The following MYOCD variants were observed in gnomAD, a reference collection of about 807,000 sequenced individuals.
MYOCD encodes the protein myocardin.
In MYOCD, 32 loss-of-function variants were observed where a neutral mutation model predicts 96.1. The ratio of observed to expected loss-of-function variants is 0.33; its 90% CI spans 0.25 to 0.45. MYOCD has a LOEUF of 0.45. MYOCD is among the 20% of genes least tolerant of loss of function. MYOCD has a pLI of 1.00. For missense variants in MYOCD, 1,133 were observed against 1,200.6 expected (o/e 0.94, Z 0.83); for synonymous variants, 469 against 469.0 (o/e 1.00, Z 0.00).
intron 7 of MYOCD, among the ~76,000 whole-genome samples, chr17:12,742,255 A>G (rs2032533586): frequency 6.6e-6 from 1 of 152,128 alleles, no homozygotes; most frequent in Non-Finnish European, 1.5e-5. Flanking sequence ...AACACACCCA[A>G]CTACTTGTGT....
chr17:12,694,954 G>T (rs905720294), intron 1 of MYOCD, among the ~76,000 whole-genome samples: 1 of 150,664 alleles, frequency 6.6e-6, no homozygotes, highest in Non-Finnish European at 1.5e-5. Context: ...CATTTGATGG[G>T]TATTAAATGG....
intron 1 of MYOCD, among the ~76,000 whole-genome samples, chr17:12,692,250 T>C (rs1017650346): frequency 3.9e-5 from 6 of 152,246 alleles, no homozygotes; most frequent in African/African-American, 1.4e-4. Flanking sequence ...AAAAGGTATA[T>C]GCTTGCATTC....
intron 2 of MYOCD, 145 bp downstream of exon 2, chr17:12,705,338 C>A: frequency 1.7e-6 from 1 of 584,674 alleles, no homozygotes; most frequent in Non-Finnish European, 3.1e-6. Context: ...AAATCCCAGA[C>A]CTTGGATGCT....
chr17:12,737,990 A>G (rs1221282023), intron 6 of MYOCD, among the ~76,000 whole-genome samples: 1 of 152,186 alleles, frequency 6.6e-6, no homozygotes, highest in African/African-American at 2.4e-5. Flanking sequence ...TTTGCAGCCA[A>G]ATTTCTTTGA....
chr17:12,694,881 C>CAAA (rs201215491), intron 1 of MYOCD, among the ~76,000 whole-genome samples: 636 of 69,310 alleles, frequency 9.2e-3, no homozygotes, highest in African/African-American at 0.012. Flanking sequence ...AAGGAATAAC[C>CAAA]AAAAAAAAAA....
intron 2 of MYOCD, among the ~76,000 whole-genome samples, chr17:12,710,247 A>G (rs1293653711): frequency 2.0e-5 from 3 of 152,174 alleles, no homozygotes; most frequent in African/African-American, 7.2e-5. Context: ...TGTTTAACCC[A>G]GGGGAGAGAT....
At chr17:12,704,566 C>T (rs1178267317) in intron 1 of MYOCD, among the ~76,000 whole-genome samples, 3 of 152,158 alleles carry the variant, frequency 2.0e-5, no homozygotes, top group Admixed American at 2.0e-4. Context: ...CATAATACTA[C>T]CACTTATCAA....
intron 2 of MYOCD, chr17:12,710,604 C>A: frequency 3.5e-6 from 2 of 564,578 alleles, no homozygotes; most frequent in Non-Finnish European, 4.5e-6. Flanking sequence ...TTCCCGCACC[C>A]ATATCACATG....
intron 9 of MYOCD, 27 bp from the exon 10 acceptor site, chr17:12,752,387 A>G (rs1269453650): frequency 6.4e-7 from 1 of 1,564,300 alleles, no homozygotes; most frequent in African/African-American, 1.4e-5. Flanking sequence ...GTTAAACAGC[A>G]CACTAACCAC....
chr17:12,755,541 G>A (rs1300195976), intron 10 of MYOCD, among the ~76,000 whole-genome samples: 1 of 152,058 alleles, frequency 6.6e-6, no homozygotes. Context: ...AGGAGTTTGA[G>A]ACCAGCCTAG....
In MYOCD at chr17:12,665,940, G is replaced by A; in HGVS notation, c.-249G>A. 2 of 535,644 alleles carry A rather than the reference G, an allele frequency of 3.7e-6. No homozygotes were observed. The highest frequency in any genetic ancestry group is 3.3e-6 in the Non-Finnish European group (1 of 300,722). The allele number at this position is 535,644 out of a possible 1,614,324, so 33.2% of individuals were successfully genotyped here. A position where few individuals can be genotyped will look rare whatever the true frequency, so the allele number is the denominator to read the frequency against. ...ACAGGAACGCCTGGGATGCCGCGCTGCTCCTGGCCAACCTCCGAGGAGGAG... is the reference window on the plus strand; with the variant it reads ...ACAGGAACGCCTGGGATGCCGCGCTACTCCTGGCCAACCTCCGAGGAGGAG... On this transcript the variant is annotated 5_prime_UTR_variant, in exon 1 of 14. Transcript: ENST00000425538. This position sits in a 1 kb window ranked among gnomAD's most constrained non-coding sequence, Gnocchi z 4.2.
chr17:12,736,981 A>G (rs1449405007), intron 6 of MYOCD, among the ~76,000 whole-genome samples: 2 of 152,228 alleles, frequency 1.3e-5, no homozygotes, highest in African/African-American at 4.8e-5. Flanking sequence ...TGGGCTGGGC[A>G]CGGTGGCTCA....
intron 1 of MYOCD, among the ~76,000 whole-genome samples, chr17:12,700,843 C>G (rs185279062): frequency 6.6e-5 from 10 of 152,180 alleles, no homozygotes; most frequent in African/African-American, 2.2e-4. Context: ...CAACTTGTTC[C>G]TATCACATCT....
At chr17:12,681,572 T>C (rs984856127) in intron 1 of MYOCD, among the ~76,000 whole-genome samples, 1 of 152,230 alleles carries the variant, frequency 6.6e-6, no homozygotes, top group East Asian at 1.9e-4. Flanking sequence ...TGGCTTTCAG[T>C]ATTCTCTTGG....
At chr17:12,721,865 A>G (rs1189591105) in intron 4 of MYOCD, among the ~76,000 whole-genome samples, 2 of 152,186 alleles carry the variant, frequency 1.3e-5, no homozygotes, top group Non-Finnish European at 2.9e-5. Flanking sequence ...TGGTATGCCC[A>G]TTCTTTGGTT....
chr17:12,693,665 A>G (rs1019867059), intron 1 of MYOCD, among the ~76,000 whole-genome samples: 1 of 149,920 alleles, frequency 6.7e-6, no homozygotes, highest in Non-Finnish European at 1.5e-5. Context: ...AAATAAAATA[A>G]AATAAAATAA....
At chr17:12,684,187 T>G (rs1270771846) in intron 1 of MYOCD, among the ~76,000 whole-genome samples, 2 of 152,178 alleles carry the variant, frequency 1.3e-5, no homozygotes, top group Non-Finnish European at 2.9e-5. Flanking sequence ...AAATTTGCCC[T>G]CTTTTATTTA....
intron 1 of MYOCD, among the ~76,000 whole-genome samples, chr17:12,683,123 G>T (rs569454174): frequency 6.6e-6 from 1 of 152,214 alleles, no homozygotes; most frequent in South Asian, 2.1e-4. Context: ...ATATTGACTG[G>T]CTTTGTTTCC....
At chr17:12,704,657 T>C (rs1348098276) in intron 1 of MYOCD, among the ~76,000 whole-genome samples, 3 of 152,146 alleles carry the variant, frequency 2.0e-5, no homozygotes, top group Admixed American at 6.5e-5. Flanking sequence ...CACCACCAGG[T>C]AGGCATTGTT....
Sources: allele counts gnomAD v4.1 joint callset (sites outside exome capture counted in the v4.1 genomes callset), GRCh38; gene constraint gnomAD v4.1.1; non-coding constraint Gnocchi (gnomAD v3.1); transcripts MANE v1.5; gene names NCBI Gene and HGNC (gene_info 2026-07-23, HGNC 2026-07-21).